The following ABL1 variants were observed in gnomAD, a reference collection of about 807,000 sequenced individuals.
ABL1 encodes tyrosine-protein kinase ABL1.
Under a neutral mutation model 94.7 loss-of-function variants are expected in ABL1, and 11 were observed. The ratio of observed to expected loss-of-function variants is 0.12; its 90% CI spans 0.07 to 0.19. The LOEUF is 0.19. Ranked by LOEUF, ABL1 falls within the 10% of genes least tolerant of loss-of-function variation. ABL1 has a pLI of 1.00. For missense variants in ABL1, 1,082 were observed against 1,489.4 expected (o/e 0.73, Z 4.50); for synonymous variants, 656 against 622.4 (o/e 1.05, Z -0.80).
intron 1 of ABL1, among the ~76,000 whole-genome samples, chr9:130,852,979 G>A (rs1203990133): frequency 6.6e-6 from 1 of 152,046 alleles, no homozygotes; most frequent in South Asian, 2.1e-4. Context: ...CCTCAGAGAC[G>A]CTGTCCTAGT....
rs376492270 is a variant in ABL1, at chr9:130,854,279, G to A, written c.253+42G>A. 11 of 1,595,194 alleles carry A rather than the reference G, an allele frequency of 6.9e-6. No homozygotes were observed. The African/African-American group carries it at 1.5e-4, about 21-fold the overall frequency. On this transcript the variant is annotated intron_variant, in intron 2 of 10. Transcript: ENST00000318560. ...CAGCTAGTGGTGGTTGCAGGAGATAGAAATCTGGGAATTGCGGTTTGACCT... is the reference window on the plus strand; with the variant it reads ...CAGCTAGTGGTGGTTGCAGGAGATAAAAATCTGGGAATTGCGGTTTGACCT...
chr9:130,737,065 T>C (rs1412858790), intron 1 of ABL1, among the ~76,000 whole-genome samples: 1 of 152,102 alleles, frequency 6.6e-6, no homozygotes, highest in African/African-American at 2.4e-5. Flanking sequence ...GTTAATTTAA[T>C]TGGTCTGGGG....
At chr9:130,770,300 A>G (rs1203285159) in intron 1 of ABL1, among the ~76,000 whole-genome samples, 1 of 152,138 alleles carries the variant, frequency 6.6e-6, no homozygotes, top group Non-Finnish European at 1.5e-5. Flanking sequence ...TGAAGCCGGG[A>G]GTTCAAGACC....
rs764584489 is a variant in ABL1, at chr9:130,874,943, G to A, written c.1161G>A (p.Leu387=). The change falls in exon 7 of 11, where the codon TTG becomes TTA. Residue 387 remains leucine, a synonymous_variant. Transcript: ENST00000318560. ...TAGCTGATTTTGGCCTGAGCAGGTTGATGACAGGGGACACCTACACAGCCC... is the reference window on the plus strand; with the variant it reads ...TAGCTGATTTTGGCCTGAGCAGGTTAATGACAGGGGACACCTACACAGCCC... ...VKVADFGLSR[L]MTGDTYTAHA... 1 of 1,614,060 alleles carries A rather than the reference G, an allele frequency of 6.2e-7. No individual in the cohort carries two copies. Among genetic ancestry groups the A allele is most frequent in the African/African-American group, 1.3e-5 (1 of 74,908 alleles).
At chr9:130,750,759 GC>G (rs1827407514) in intron 1 of ABL1, among the ~76,000 whole-genome samples, 1 of 139,850 alleles carries the variant, frequency 7.2e-6, no homozygotes, top group Admixed American at 8.1e-5. Context: ...TGATTCTTCT[GC>G]CTCAGCCTCC....
chr9:130,765,501 T>TA (rs1832171820), intron 1 of ABL1, among the ~76,000 whole-genome samples: 1 of 152,244 alleles, frequency 6.6e-6, no homozygotes. Context: ...CTTATGGCCT[T>TA]ACGATAAATT....
At chr9:130,801,331 G>C (rs1362305516) in intron 1 of ABL1, among the ~76,000 whole-genome samples, 1 of 151,852 alleles carries the variant, frequency 6.6e-6, no homozygotes, top group African/African-American at 2.4e-5. Context: ...GGGTTCAAGC[G>C]AGTCTCCTGC....
chr9:130,847,810 A>C (rs573334073), intron 1 of ABL1, among the ~76,000 whole-genome samples: 10 of 152,310 alleles, frequency 6.6e-5, no homozygotes, highest in Admixed American at 2.6e-4. Flanking sequence ...CCTTCCTAAC[A>C]AAGGCCTCAT....
intron 1 of ABL1, among the ~76,000 whole-genome samples, chr9:130,735,933 G>GCA (rs1831730585): frequency 3.2e-5 from 2 of 62,484 alleles, no homozygotes; most frequent in East Asian, 4.5e-4. Flanking sequence ...GCATGTGTGT[G>GCA]CATATATATA....
chr9:130,753,896 T>C lies in ABL1; in HGVS notation c.136+39441T>C, dbSNP rs79760079. 1.2e-3 allele frequency among the ~76,000 whole-genome samples: 186 copies of C among 152,108 alleles called. 2 individuals are homozygous for C. The East Asian group carries it at 0.03, about 25-fold the overall frequency. ...GAGGAGAGAAGCCTAAGGGAAGATG[T>C]GTTTGCTGTTTTGAAAATATTTATT... On this transcript the variant is annotated intron_variant, in intron 1 of 10. Transcript: ENST00000372348.
At chr9:130,743,766 G>T (rs1831849370) in intron 1 of ABL1, among the ~76,000 whole-genome samples, 1 of 152,140 alleles carries the variant, frequency 6.6e-6, no homozygotes, top group Admixed American at 6.5e-5. Context: ...CACAAGCTTT[G>T]TGGGGGTCAC....
intron 1 of ABL1, among the ~76,000 whole-genome samples, chr9:130,782,068 C>CT (rs11437882): frequency 0.39 from 57,490 of 149,006 alleles, 11,176 homozygotes; most frequent in Middle Eastern, 0.48. Context: ...TTTTCTTTTT[C>CT]TTTTTTTTTT....
chr9:130,822,439 C>CTTTTTT (rs35922505), intron 1 of ABL1, among the ~76,000 whole-genome samples: 14 of 104,400 alleles, frequency 1.3e-4, no homozygotes, highest in African/African-American at 4.6e-4. Context: ...CCCGCCCCTG[C>CTTTTTT]TTTTTTTTTT....
At chr9:130,882,390 G>C (rs1831472857) in intron 10 of ABL1, among the ~76,000 whole-genome samples, 1 of 152,154 alleles carries the variant, frequency 6.6e-6, no homozygotes, top group African/African-American at 2.4e-5. Flanking sequence ...CCCTGATTCA[G>C]ATGTCCCGCG....
In ABL1 at chr9:130,880,683, C is replaced by G. The variant is rs747866615; in HGVS notation, c.1678+19C>G. 4.3e-6 allele frequency: 7 copies of G among 1,611,252 alleles called. No individual in the cohort carries two copies. The South Asian group carries it at 7.7e-5, about 18-fold the overall frequency. On this transcript the variant is annotated intron_variant, in intron 10 of 10. Coordinates refer to ENST00000318560, the MANE Select transcript of ABL1 (RefSeq NM_005157.6). This position sits in a 1 kb window ranked among gnomAD's most constrained non-coding sequence, Gnocchi z 4.4. ...GAGAGCGGTAAGTCCCCCGCTTCCC[C>G]CAACCCCACTGCTCTTCCCTTCCCT...
rs767535809 is a variant in ABL1, at chr9:130,862,748, C to G, written c.550-15C>G. Reference sequence around the variant, plus strand: ...CTGTCTCTGTGGGCTGAAGGCTGTTCCCTGTTTCCTTCAGCTCTACGTCTC... The same window carrying G: ...CTGTCTCTGTGGGCTGAAGGCTGTTGCCTGTTTCCTTCAGCTCTACGTCTC... On this transcript the variant is annotated splice_polypyrimidine_tract_variant and intron_variant, in intron 3 of 10. Transcript: ENST00000318560. This position sits in a 1 kb window ranked among gnomAD's most constrained non-coding sequence, Gnocchi z 5.5. The G allele has an allele frequency of 1.9e-6, 3 of 1,610,914 alleles. No individual in the cohort carries two copies. The highest frequency in any genetic ancestry group is 1.3e-5 in the African/African-American group (1 of 74,984).
chr9:130,733,471 T>G (rs948260960), intron 1 of ABL1, among the ~76,000 whole-genome samples: 4 of 152,158 alleles, frequency 2.6e-5, no homozygotes, highest in Non-Finnish European at 5.9e-5. Context: ...GTCTCAGTGT[T>G]ACTCAGGATG....
intron 1 of ABL1, among the ~76,000 whole-genome samples, chr9:130,845,671 C>G (rs1830756468): frequency 6.6e-6 from 1 of 152,120 alleles, no homozygotes; most frequent in African/African-American, 2.4e-5. Flanking sequence ...ATAGTTGCCA[C>G]TGGACCTTGT....
At chr9:130,829,294 C>T (rs1437182587) in intron 1 of ABL1, among the ~76,000 whole-genome samples, 4 of 152,214 alleles carry the variant, frequency 2.6e-5, no homozygotes, top group Non-Finnish European at 4.4e-5. Flanking sequence ...GGCACGGTGG[C>T]TCACACCTGT....
Sources: gnomAD v4.1 joint callset for allele counts (sites outside exome capture counted in the v4.1 genomes callset) on GRCh38, gnomAD v4.1.1 for gene constraint, Gnocchi (gnomAD v3.1) non-coding constraint, MANE v1.5 for transcripts, NCBI Gene and HGNC (gene_info 2026-07-23, HGNC 2026-07-21) for gene names.